FHIT: variants seen among roughly 807,000 people sequenced by gnomAD.
FHIT encodes bis(5'-adenosyl)-triphosphatase.
A neutral mutation model predicts 17.9 loss-of-function variants in FHIT; 19 were observed. The observed-to-expected ratio is 1.06, with a 90% CI of 0.74 to 1.56. FHIT has a LOEUF of 1.56. Among genes scored for constraint, FHIT ranks in the 40% most tolerant of loss-of-function variants. The pLI is 0.00. For missense variants in FHIT, 248 were observed against 189.2 expected, an observed-to-expected ratio of 1.31 and a Z score of -1.82; for synonymous variants, 81 against 69.7, an observed-to-expected ratio of 1.16 and a Z score of -0.81.
chr3:60,803,346 C>T (rs1553732891), intron 4 of FHIT, among the ~76,000 whole-genome samples: 1 of 152,110 alleles, frequency 6.6e-6, no homozygotes, highest in East Asian at 1.9e-4. Context: ...TGGTAGCCAG[C>T]CGCCGCCAAA....
At chr3:61,018,070 C>T (rs2032212743) in intron 3 of FHIT, among the ~76,000 whole-genome samples, 1 of 152,120 alleles carries the variant, frequency 6.6e-6, no homozygotes, top group East Asian at 1.9e-4. Context: ...GTGCCAGGTA[C>T]TATATATGCA....
intron 4 of FHIT, among the ~76,000 whole-genome samples, chr3:60,653,235 G>T (rs897528303): frequency 6.6e-6 from 1 of 152,056 alleles, no homozygotes; most frequent in Non-Finnish European, 1.5e-5. Context: ...ATAAAATCTA[G>T]TTAATATCGT....
chr3:61,110,619 C>T (rs937270092), intron 2 of FHIT, among the ~76,000 whole-genome samples: 2 of 152,090 alleles, frequency 1.3e-5, no homozygotes, highest in African/African-American at 4.8e-5. Context: ...TCTACTCATT[C>T]TTCTGCCTAG....
At chr3:60,243,063 T>G (rs1373056263) in intron 5 of FHIT, among the ~76,000 whole-genome samples, 1 of 128,500 alleles carries the variant, frequency 7.8e-6, no homozygotes, top group Non-Finnish European at 1.7e-5. Flanking sequence ...AGTCCAAAAC[T>G]AAAAAAAAAA....
At chr3:60,437,372 T>C (rs867392797) in intron 5 of FHIT, among the ~76,000 whole-genome samples, 2 of 152,118 alleles carry the variant, frequency 1.3e-5, no homozygotes, top group African/African-American at 2.4e-5. Flanking sequence ...TATAAAATTC[T>C]CTCTATATGT....
chr3:61,233,474 T>C (rs1368502005), intron 1 of FHIT, among the ~76,000 whole-genome samples: 1 of 152,220 alleles, frequency 6.6e-6, no homozygotes, highest in Admixed American at 6.5e-5. Flanking sequence ...AATTTTTCAA[T>C]ACCTTCTTTA....
intron 4 of FHIT, among the ~76,000 whole-genome samples, chr3:60,542,266 A>C (rs1171209569): frequency 6.6e-6 from 1 of 152,154 alleles, no homozygotes; most frequent in Non-Finnish European, 1.5e-5. Flanking sequence ...GCTTGATTAC[A>C]ACCTTTTACC....
intron 4 of FHIT, among the ~76,000 whole-genome samples, chr3:60,663,113 G>C (rs1199504798): frequency 1.6e-4 from 15 of 94,212 alleles, no homozygotes; most frequent in Admixed American, 1.1e-4. Flanking sequence ...AACCATGTTG[G>C]TTTGATTACT....
intron 4 of FHIT, among the ~76,000 whole-genome samples, chr3:60,665,481 T>C (rs2107832985): frequency 6.6e-6 from 1 of 152,172 alleles, no homozygotes; most frequent in African/African-American, 2.4e-5. Flanking sequence ...CATAAGATCA[T>C]TTTGTCTTCC....
At chr3:60,051,413 A>G (rs1270308027) in intron 5 of FHIT, among the ~76,000 whole-genome samples, 2 of 150,548 alleles carry the variant, frequency 1.3e-5, no homozygotes, top group Non-Finnish European at 3.0e-5. Context: ...TAAGGTGAAC[A>G]CCTAGACATA....
intron 7 of FHIT, among the ~76,000 whole-genome samples, chr3:59,989,535 G>A (rs944018345): frequency 1.3e-5 from 2 of 152,040 alleles, no homozygotes; most frequent in African/African-American, 4.8e-5. Flanking sequence ...GGGTCTCTGA[G>A]GGCTGGGCAT....
chr3:60,324,854 A>G (rs115974353), intron 5 of FHIT, among the ~76,000 whole-genome samples: 1,912 of 152,266 alleles, frequency 0.013, 47 homozygotes, highest in African/African-American at 0.044. Context: ...TTGAACAAAT[A>G]TGGTTACTGT....
chr3:60,154,548 G>A (rs6776501), intron 5 of FHIT, among the ~76,000 whole-genome samples: 108,084 of 152,104 alleles, frequency 0.71, 40,226 homozygotes, highest in Non-Finnish European at 0.83. Context: ...CCACAATTCT[G>A]TTTCCAATTA....
intron 2 of FHIT, among the ~76,000 whole-genome samples, chr3:61,094,271 G>A (rs2035572470): frequency 6.6e-6 from 1 of 152,094 alleles, no homozygotes. Flanking sequence ...ATGTGAAGGA[G>A]ACAGTATTTG....
intron 4 of FHIT, among the ~76,000 whole-genome samples, chr3:60,602,995 A>C (rs1482174058): frequency 2.6e-5 from 4 of 152,190 alleles, no homozygotes; most frequent in Admixed American, 6.5e-5. Flanking sequence ...GTTGTTTATG[A>C]GCTACCCAGT....
chr3:60,828,744 G>A (rs535483671), intron 3 of FHIT, among the ~76,000 whole-genome samples: 2 of 152,280 alleles, frequency 1.3e-5, no homozygotes, highest in Admixed American at 1.3e-4. Flanking sequence ...CAGGCATGGT[G>A]GCGGGTGCCT....
At chr3:60,347,960 T>C (rs1162359022) in intron 5 of FHIT, among the ~76,000 whole-genome samples, 3 of 152,092 alleles carry the variant, frequency 2.0e-5, no homozygotes, top group African/African-American at 4.8e-5. Flanking sequence ...GGTTTCACCA[T>C]GTTGGCCAGG....
intron 5 of FHIT, among the ~76,000 whole-genome samples, chr3:60,151,793 C>A (rs181258960): frequency 1.3e-5 from 2 of 152,284 alleles, no homozygotes; most frequent in Admixed American, 6.5e-5. Flanking sequence ...CTGCACCAAT[C>A]TCATATCTTC....
At chr3:60,950,126 G>C (rs565758931) in intron 3 of FHIT, among the ~76,000 whole-genome samples, 22 of 152,280 alleles carry the variant, frequency 1.4e-4, no homozygotes, top group Non-Finnish European at 2.2e-4. Flanking sequence ...TTGTGTTACA[G>C]TTGCCTATAG....
Sources: gnomAD v4.1 joint callset for allele counts (sites outside exome capture counted in the v4.1 genomes callset) on GRCh38, gnomAD v4.1.1 for gene constraint, MANE v1.5 for transcripts, NCBI Gene and HGNC (gene_info 2026-07-23, HGNC 2026-07-21) for gene names.